Variants in MAP2K1 observed in about 807,000 individuals in gnomAD.
MAP2K1 encodes dual specificity mitogen-activated protein kinase kinase 1.
MAP2K1 carries 16 observed loss-of-function variants against 46.3 expected under a neutral mutation model. That is an observed-to-expected ratio of 0.35 (90% confidence interval 0.23 to 0.52). MAP2K1 has a LOEUF of 0.52. MAP2K1 is among the 20% of genes least tolerant of loss of function. The pLI, the probability that MAP2K1 is intolerant of heterozygous loss-of-function variation, is 0.94. For missense variants in MAP2K1, 263 were observed against 497.1 expected, an observed-to-expected ratio of 0.53 and a Z score of 4.48; for synonymous variants, 183 against 185.6, an observed-to-expected ratio of 0.99 and a Z score of 0.11.
At chr15:66,415,117 T>A in intron 1 of MAP2K1, 1 of 523,560 alleles carries the variant, frequency 1.9e-6, no homozygotes, top group Non-Finnish European at 3.8e-6. Flanking sequence ...ATTGCTGAAG[T>A]CCTGCATCAA....
chr15:66,396,829 C>T (rs999223190), intron 1 of MAP2K1, among the ~76,000 whole-genome samples: 3 of 150,756 alleles, frequency 2.0e-5, no homozygotes, highest in Non-Finnish European at 2.9e-5. Flanking sequence ...TGATTATAGG[C>T]GCACACCACC....
chr15:66,468,689 T>C (rs1236190542), intron 5 of MAP2K1, among the ~76,000 whole-genome samples: 3 of 152,100 alleles, frequency 2.0e-5, no homozygotes, highest in Non-Finnish European at 4.4e-5. Context: ...TCCCAACACT[T>C]TGGGAGGCCG....
intron 1 of MAP2K1, among the ~76,000 whole-genome samples, chr15:66,399,075 A>G (rs1317331357): frequency 2.0e-5 from 3 of 152,052 alleles, no homozygotes; most frequent in Non-Finnish European, 4.4e-5. Context: ...GCCTGGCTGT[A>G]TTGCTAAATT....
intron 6 of MAP2K1, among the ~76,000 whole-genome samples, chr15:66,483,970 G>A (rs1423514716): frequency 2.0e-5 from 3 of 151,918 alleles, no homozygotes; most frequent in African/African-American, 7.3e-5. Context: ...GGATGGTCTC[G>A]ATCTCCTGAC....
chr15:66,460,052 G>GGT (rs983870533), intron 5 of MAP2K1, among the ~76,000 whole-genome samples: 33 of 152,292 alleles, frequency 2.2e-4, no homozygotes, highest in African/African-American at 7.2e-4. Context: ...GGTTGCCCAT[G>GGT]GTATATACAC....
chr15:66,447,686 C>CAA (rs34064163), intron 5 of MAP2K1, among the ~76,000 whole-genome samples: 39,795 of 135,942 alleles, frequency 0.29, 5,989 homozygotes, highest in South Asian at 0.37. Context: ...GACTCTGTCT[C>CAA]AAAAAAAAAA....
At chr15:66,392,254 GGTTTTTTTT>G (rs1396230204) in intron 1 of MAP2K1, among the ~76,000 whole-genome samples, 19 of 79,674 alleles carry the variant, frequency 2.4e-4, no homozygotes, top group African/African-American at 3.7e-4. Context: ...GTTTTTTTTG[GGTTTTTTTT>G]TTTTTTTTTT....
chr15:66,446,749 G>A, intron 5 of MAP2K1: 4 of 335,192 alleles, frequency 1.2e-5, no homozygotes, highest in Non-Finnish European at 1.9e-5. Flanking sequence ...CTTATAGCCG[G>A]CAAAAATGGC....
intron 5 of MAP2K1, among the ~76,000 whole-genome samples, chr15:66,465,936 CTT>C: frequency 1.3e-5 from 2 of 152,240 alleles, no homozygotes; most frequent in East Asian, 3.9e-4. Context: ...AAAGATAAGA[CTT>C]TTTTAAAGCT....
intron 5 of MAP2K1, among the ~76,000 whole-genome samples, chr15:66,461,509 T>TAAATAAATAATA (rs1347966655): frequency 1.4e-5 from 2 of 147,044 alleles, no homozygotes; most frequent in African/African-American, 2.6e-5. Context: ...AATAAATAAA[T>TAAATAAATAATA]AAATAATAAA....
intron 1 of MAP2K1, among the ~76,000 whole-genome samples, chr15:66,417,681 G>T (rs2093427844): frequency 6.6e-6 from 1 of 152,186 alleles, no homozygotes; most frequent in Non-Finnish European, 1.5e-5. Flanking sequence ...TGGGGGTAGG[G>T]TTTTTTCCCA....
At chr15:66,462,804 A>G (rs913674093) in intron 5 of MAP2K1, among the ~76,000 whole-genome samples, 8 of 152,188 alleles carry the variant, frequency 5.3e-5, no homozygotes, top group South Asian at 2.1e-4. Context: ...AACTTGAGCC[A>G]GTGTAAACAC....
chr15:66,479,671 T>C (rs1017643222), intron 5 of MAP2K1, among the ~76,000 whole-genome samples: 1 of 152,114 alleles, frequency 6.6e-6, no homozygotes, highest in Non-Finnish European at 1.5e-5. Flanking sequence ...TTTAGAACCA[T>C]TCATTCAACA....
chr15:66,435,475 G>A (rs1173742936), intron 2 of MAP2K1, among the ~76,000 whole-genome samples: 6 of 151,454 alleles, frequency 4.0e-5, no homozygotes, highest in Non-Finnish European at 5.9e-5. Context: ...ACAGGCATGC[G>A]CCACCATGCA....
At chr15:66,434,629 GTATTT>G (rs1230190597) in intron 1 of MAP2K1, among the ~76,000 whole-genome samples, 1 of 152,080 alleles carries the variant, frequency 6.6e-6, no homozygotes, top group Non-Finnish European at 1.5e-5. Flanking sequence ...TGAATTTAGG[GTATTT>G]TATTTTGCGT....
intron 1 of MAP2K1, among the ~76,000 whole-genome samples, chr15:66,431,491 G>A (rs1370707054): frequency 6.6e-6 from 1 of 151,972 alleles, no homozygotes; most frequent in East Asian, 1.9e-4. Context: ...TAAAGGAAAG[G>A]CAGTAGTTTC....
At chr15:66,443,641 C>A (rs764906244) in intron 4 of MAP2K1, among the ~76,000 whole-genome samples, 1 of 152,072 alleles carries the variant, frequency 6.6e-6, no homozygotes, top group Non-Finnish European at 1.5e-5. Flanking sequence ...GAGGCCAAGG[C>A]AGGAGGACTG....
chr15:66,442,574 C>T (rs895294864), intron 3 of MAP2K1, among the ~76,000 whole-genome samples: 2 of 152,282 alleles, frequency 1.3e-5, no homozygotes, highest in Non-Finnish European at 2.9e-5. Context: ...GGGAAAAACT[C>T]CCAGACCGTG....
At position 66,420,545 on chromosome 15, in the gene MAP2K1, C is replaced by T. The variant is rs558308072; in HGVS notation, c.81-14482C>T. 2.7e-5 allele frequency among the ~76,000 whole-genome samples: 4 copies of T among 150,508 alleles called. No homozygotes were observed. The South Asian group carries it at 8.4e-4, about 32-fold the overall frequency. On this transcript the variant is annotated intron_variant, in intron 1 of 10. Transcript: ENST00000307102. ...TCCAGCCTGGGTGACAGAGTAACAC[C>T]CTGTCTCAAAAATAAAATAAAATAA... is the stretch of plus-strand genomic sequence containing the variant.
Sources: gnomAD v4.1 joint callset for allele counts (sites outside exome capture counted in the v4.1 genomes callset) on GRCh38, gnomAD v4.1.1 for gene constraint, MANE v1.5 for transcripts, NCBI Gene and HGNC (gene_info 2026-07-23, HGNC 2026-07-21) for gene names.